RELA: variants seen among roughly 807,000 people sequenced by gnomAD.
RELA encodes RELA proto-oncogene, NF-kB subunit.
RELA carries 14 observed loss-of-function variants against 56.7 expected under a neutral mutation model. The observed-to-expected ratio is 0.25, with a 90% confidence interval of 0.16 to 0.39. RELA has a LOEUF of 0.39. Ranked by LOEUF, RELA falls within the 10% of genes least tolerant of loss-of-function variation. RELA has a pLI of 1.00. For synonymous variants in RELA, 315 were observed against 289.7 expected (o/e 1.09, Z -0.89); for missense variants, 559 against 736.4 (o/e 0.76, Z 2.79).
chr11:65,658,857 C>T lies in RELA; in HGVS notation c.560-35G>A. On this transcript the variant is annotated intron_variant, in intron 6 of 10. Coordinates refer to ENST00000406246, the MANE Select transcript of RELA (RefSeq NM_021975.4). The surrounding 1 kb of genome is among the most constrained non-coding windows in gnomAD (Gnocchi z 4.5). ...TGAAAACAAGGGAGGATGACCTGAG[C>T]CACGAGAGGTCCCCAGGGTGGCCTG... The T allele has an allele frequency of 1.9e-6, 3 of 1,565,278 alleles. No individual in the cohort carries two copies. Among genetic ancestry groups the T allele is most frequent in the Non-Finnish European group, 2.6e-6 (3 of 1,135,774 alleles).
chr11:65,660,276 C>T (rs1427893707), intron 4 of RELA, 61 bp from the exon 5 acceptor site: 1 of 1,508,710 alleles, frequency 6.6e-7, no homozygotes, highest in Non-Finnish European at 9.2e-7. Context: ...TCCTGCCTTG[C>T]CCAGCCTGCT....
chr11:65,661,906 C>T (rs373229743), intron 3 of RELA, 31 bp downstream of exon 3: 3 of 1,606,914 alleles, frequency 1.9e-6, no homozygotes, highest in African/African-American at 2.7e-5. Flanking sequence ...TTCCACAGTC[C>T]CTTCCCCGCA....
chr11:65,653,752 G>GA lies in RELA; in HGVS notation c.*625dup, dbSNP rs1346827013. ...CTTACCCTACTATTAAGGCACTTGA[G>GA]AAGAGGGAGAGCAAGGAAGTCCCAG... is the stretch of plus-strand genomic sequence containing the variant. On this transcript the variant is annotated 3_prime_UTR_variant, in exon 11 of 11. Coordinates refer to ENST00000406246, the MANE Select transcript of RELA (RefSeq NM_021975.4). 1 of 154,948 alleles carries GA rather than the reference G, an allele frequency of 6.5e-6. No individual in the cohort carries two copies. The highest frequency in any genetic ancestry group is 6.5e-5 in the Admixed American group (1 of 15,446). The allele number at this position is 154,948 out of a possible 1,614,324, so 9.6% of individuals were successfully genotyped here.
At chr11:65,657,440 G>C (rs756950486) in intron 8 of RELA, among the ~76,000 whole-genome samples, 50 of 152,046 alleles carry the variant, frequency 3.3e-4, no homozygotes, top group Non-Finnish European at 5.7e-4. Flanking sequence ...GTGGCCTCCT[G>C]AGTCAACTTC....
intron 6 of RELA, among the ~76,000 whole-genome samples, chr11:65,659,438 G>C (rs975326781): frequency 6.6e-6 from 1 of 152,130 alleles, no homozygotes; most frequent in Non-Finnish European, 1.5e-5. Flanking sequence ...TCTCCCATCA[G>C]ACTCTCTGCT....
Position 65,654,688 on chromosome 11 carries a change from T to G in RELA, c.1346A>C (p.Asp449Ala). The G allele has an allele frequency of 1.3e-6, 2 of 1,546,196 alleles. No homozygotes were observed. Among genetic ancestry groups the G allele is most frequent in the Non-Finnish European group, 1.7e-6 (2 of 1,147,996 alleles). The change falls in exon 11 of 11, where the codon GAC becomes GCC. Residue 449 changes from aspartate to alanine, a missense_variant. Asp to Ala is a moderately radical substitution (Grantham distance 126, BLOSUM62 -2). This residue lies in a region of RELA where 365 missense variants were observed against 387.5 expected (regional missense o/e 0.94). Transcript: ENST00000406246. The stretch of plus-strand genomic sequence containing the variant: ...GCTGTTGCCAAGCAAGGCCCCCAGG[T>G]CTTCATCATCAAACTGCAGCTGCAG... ...ALLQLQFDDEDLGALLGNSTD... is the reference protein window; with the variant it reads ...ALLQLQFDDEALGALLGNSTD...
chr11:65,663,607 C>A (rs964507664), upstream of RELA, among the ~76,000 whole-genome samples: 1 of 152,212 alleles, frequency 6.6e-6, no homozygotes, highest in Non-Finnish European at 1.5e-5. Context: ...CGGCTCTCAT[C>A]GGCTGTGGGA....
At chr11:65,659,573 C>T (rs1372520180) in intron 6 of RELA, 93 bp downstream of exon 6, 21 of 1,487,088 alleles carry the variant, frequency 1.4e-5, no homozygotes, top group Non-Finnish European at 1.9e-5. Context: ...TTGAATGAAG[C>T]CAGAGCGCCT....
Position 65,654,392 on chromosome 11 carries a change from G to C in RELA, c.1642C>G (p.Gln548Glu). Residue 548 changes from glutamine to glutamate, a missense_variant, in exon 11 of 11, where the codon CAG becomes GAG. Around this residue, in one of 4 missense-constraint regions of RELA, gnomAD observed 365 missense variants for 387.5 expected, o/e 0.94. Coordinates refer to ENST00000406246, the MANE Select transcript of RELA (RefSeq NM_021975.4). ...ADMDFSALLS[Q>E]ISS is the part of the protein sequence containing the mutation. ...GCGTCACCCCCTTAGGAGCTGATCT[G>C]ACTCAGCAGGGCTGAGAAGTCCATG... 6.2e-7 allele frequency: 1 copy of C among 1,613,196 alleles called. No homozygotes were observed. The highest frequency in any genetic ancestry group is 8.5e-7 in the Non-Finnish European group (1 of 1,179,652).
chr11:65,662,358 G>C (rs1420635209), intron 1 of RELA, 153 bp from the exon 2 acceptor site: 1 of 871,220 alleles, frequency 1.1e-6, no homozygotes, highest in Non-Finnish European at 1.7e-6. Flanking sequence ...CTAAGGGGTG[G>C]AGGAAAGGAA....
rs150472137 is a variant in RELA, at chr11:65,654,321, T to C, written c.*57A>G. 1,953 of 1,611,342 alleles carry C rather than the reference T, an allele frequency of 1.2e-3. 2 individuals carry two copies. The highest frequency in any genetic ancestry group is 1.5e-3 in the Non-Finnish European group (1,805 of 1,178,548). The stretch of plus-strand genomic sequence containing the variant: ...ACCCCACCAGAATCCGTAAGTGCTT[T>C]TGGAGGGCTTCAATCCCCTGCAACC... On this transcript the variant is annotated 3_prime_UTR_variant, in exon 11 of 11. Transcript: ENST00000406246.
Position 65,654,009 on chromosome 11 carries a change from T to G in RELA, c.*369A>C. 1 of 340,960 alleles carries G rather than the reference T, an allele frequency of 2.9e-6. No individual in the cohort carries two copies. The allele number at this position is 340,960 out of a possible 1,614,324, so 21.1% of individuals were successfully genotyped here. ...ATGATGGAAGACACTTGATAAGGCT[T>G]TGTGGGCTCAAAGGCCTTACCTCCA... is the stretch of plus-strand genomic sequence containing the variant. On this transcript the variant is annotated 3_prime_UTR_variant, in exon 11 of 11. Transcript: ENST00000406246.
In RELA at chr11:65,658,351, C is replaced by A; in HGVS notation, c.813G>T (p.Gln271His). The change falls in exon 8 of 11, where the codon CAG (glutamine) becomes CAT (histidine). Residue 271 changes from glutamine (Q) to histidine (H), a missense_variant. Around this residue, in one of 4 missense-constraint regions of RELA, gnomAD observed 365 missense variants for 387.5 expected, o/e 0.94. Transcript: ENST00000406246. The surrounding 1 kb of genome is among the most constrained non-coding windows in gnomAD (Gnocchi z 4.5). The stretch of plus-strand genomic sequence containing the variant: ...GCTCCCGGTCGGAAGGCCGCCGCAG[C>A]TGCATGGAGACACGCACAGGAGCCT... ...SLQAPVRVSM[Q>H]LRRPSDRELS... The A allele has an allele frequency of 1.2e-6, 2 of 1,613,552 alleles. No individual in the cohort carries two copies. Among genetic ancestry groups the A allele is most frequent in the Non-Finnish European group, 1.7e-6 (2 of 1,179,840 alleles).
chr11:65,659,042 T>C (rs550307260), intron 6 of RELA, among the ~76,000 whole-genome samples: 25 of 152,290 alleles, frequency 1.6e-4, no homozygotes, highest in Non-Finnish European at 3.4e-4. Flanking sequence ...TAAGCAAGAA[T>C]ACGACCACAC....
rs151125290 is a variant in RELA at position 65,661,805 on chromosome 11, G to A, written c.217C>T (p.Arg73Cys). The change falls in exon 4 of 11, where the codon CGC becomes TGC. Residue 73 changes from arginine to cysteine, a missense_variant. This residue lies in a region of RELA where 149 missense variants were observed against 256.0 expected (regional missense o/e 0.58). Transcript: ENST00000406246. ...GGGTCCTTGGTGACCAGGGAGATGC[G>A]CACTGTCCCTGGTCCTGTGTAGCCA... ...INGYTGPGTVRISLVTKDPPH... is the reference protein window; with the variant it reads ...INGYTGPGTVCISLVTKDPPH... 2.5e-6 allele frequency: 4 copies of A among 1,613,394 alleles called. No homozygotes were observed. The highest frequency in any genetic ancestry group is 3.3e-5 in the Admixed American group (2 of 59,904).
At chr11:65,662,603 AC>A (rs1184032421) in intron 1 of RELA, 2 of 374,022 alleles carry the variant, frequency 5.3e-6, no homozygotes, top group Non-Finnish European at 9.4e-6. Context: ...CTGCTCCCCC[AC>A]CCAGGGAGGA....
chr11:65,658,805 C>G lies in RELA; in HGVS notation c.577G>C (p.Glu193Gln), dbSNP rs1308599130. ...IFDNRAPNTA[E>Q]LKICRVNRNS... ...CGGTTCACTCGGCAGATCTTGAGCT[C>G]GGCAGTGTTGGGGGCACCTGAGGCA... The change falls in exon 7 of 11, where the codon GAG (glutamate) becomes CAG (glutamine). Residue 193 changes from glutamate (E) to glutamine (Q), a missense_variant. This residue lies in a region of RELA where 149 missense variants were observed against 256.0 expected (regional missense o/e 0.58). Coordinates refer to ENST00000406246, the MANE Select transcript of RELA (RefSeq NM_021975.4). The surrounding 1 kb of genome is among the most constrained non-coding windows in gnomAD (Gnocchi z 4.5). 1 of 1,613,766 alleles carries G rather than the reference C, an allele frequency of 6.2e-7. No individual in the cohort carries two copies. Among genetic ancestry groups the G allele is most frequent in the Non-Finnish European group, 8.5e-7 (1 of 1,179,952 alleles).
intron 10 of RELA, 48 bp downstream of exon 10, chr11:65,655,640 G>A (rs751905552): frequency 1.3e-6 from 2 of 1,555,800 alleles, no homozygotes; most frequent in East Asian, 4.5e-5. Flanking sequence ...CTCCTCAGCT[G>A]AACAGAGCTG....
At chr11:65,660,065 A>G in intron 5 of RELA, 59 bp downstream of exon 5, 2 of 1,524,210 alleles carry the variant, frequency 1.3e-6, no homozygotes, top group Non-Finnish European at 1.8e-6. Context: ...GAGATGCAGG[A>G]AAGGCGGGCT....
Sources: allele counts gnomAD v4.1 joint callset (sites outside exome capture counted in the v4.1 genomes callset), GRCh38; gene constraint gnomAD v4.1.1; regional missense constraint gnomAD v4.1.1; non-coding constraint Gnocchi (gnomAD v3.1); transcripts MANE v1.5; gene names NCBI Gene and HGNC (gene_info 2026-07-23, HGNC 2026-07-21).